PRKAG2: variants seen among roughly 807,000 people sequenced by gnomAD.
The protein encoded by PRKAG2 is protein kinase AMP-activated non-catalytic subunit gamma 2, also known as 5'-AMP-activated protein kinase subunit gamma-2.
PRKAG2 carries 26 observed loss-of-function variants against 69.6 expected under a neutral mutation model. That is an observed-to-expected ratio of 0.37 (90% CI 0.27 to 0.52). PRKAG2 has a LOEUF of 0.52. Among genes scored for constraint, PRKAG2 ranks in the 20% least tolerant of loss-of-function variants. The probability of loss-of-function intolerance (pLI) is 0.90; values close to 1 mark genes in which losing one functional copy is unlikely to be tolerated. For synonymous variants in PRKAG2, 293 were observed against 285.0 expected (o/e 1.03, Z -0.28); for missense variants, 557 against 740.0 (o/e 0.75, Z 2.87).
chr7:151,767,841 C>A (rs2075819966), intron 3 of PRKAG2, among the ~76,000 whole-genome samples: 1 of 74,620 alleles, frequency 1.3e-5, no homozygotes, highest in Non-Finnish European at 2.6e-5. Context: ...TGGCCAAAAG[C>A]TCTGGTTCCT....
intron 1 of PRKAG2, among the ~76,000 whole-genome samples, chr7:151,798,602 G>A (rs2077677979): frequency 6.6e-6 from 1 of 152,186 alleles, no homozygotes; most frequent in African/African-American, 2.4e-5. Flanking sequence ...GGCATGAGCC[G>A]CTGTACCCAG....
chr7:151,814,488 T>C lies in PRKAG2; in HGVS notation c.115-27947A>G. 8.1e-7 allele frequency: 1 copy of C among 1,230,806 alleles called. No homozygotes were observed. The highest frequency in any genetic ancestry group is 1.0e-6 in the Non-Finnish European group (1 of 987,882). The allele number at this position is 1,230,806 out of a possible 1,614,324, so 76.2% of individuals were successfully genotyped here. A position where few individuals can be genotyped will look rare whatever the true frequency, so the allele number is the denominator to read the frequency against. ...CAGTGCAGGCTTGTAAGCTGCTGGATGGCAGGATGCGAGTGACGGGGACGG... is the reference window on the plus strand; with the variant it reads ...CAGTGCAGGCTTGTAAGCTGCTGGACGGCAGGATGCGAGTGACGGGGACGG... On this transcript the variant is annotated intron_variant, in intron 1 of 15. Transcript: ENST00000287878. The surrounding 1 kb of genome is among the most constrained non-coding windows in gnomAD (Gnocchi z 4.8).
intron 4 of PRKAG2, among the ~76,000 whole-genome samples, chr7:151,661,748 T>C (rs1012455894): frequency 1.7e-4 from 26 of 152,140 alleles, no homozygotes; most frequent in African/African-American, 6.3e-4. Flanking sequence ...TGGGCGGTCA[T>C]TGATTAACAG....
chr7:151,800,533 C>T (rs1000037994), intron 1 of PRKAG2, among the ~76,000 whole-genome samples: 3 of 152,120 alleles, frequency 2.0e-5, no homozygotes, highest in African/African-American at 4.8e-5. Flanking sequence ...TCGAACACAT[C>T]CAGGTGGGCC....
chr7:151,574,773 C>A, intron 8 of PRKAG2, 118 bp downstream of exon 8: 1 of 1,451,866 alleles, frequency 6.9e-7, no homozygotes, highest in Non-Finnish European at 9.3e-7. Flanking sequence ...CATCAGCACA[C>A]CATACCAAAA....
chr7:151,633,446 G>A (rs1257900659), intron 4 of PRKAG2, among the ~76,000 whole-genome samples: 1 of 151,878 alleles, frequency 6.6e-6, no homozygotes, highest in East Asian at 1.9e-4. Context: ...AACGCATACA[G>A]ATTGGAAAGG....
At chr7:151,606,592 G>C (rs978673235) in intron 5 of PRKAG2, among the ~76,000 whole-genome samples, 1 of 152,162 alleles carries the variant, frequency 6.6e-6, no homozygotes, top group Non-Finnish European at 1.5e-5. Flanking sequence ...GGCTGAGCTG[G>C]GTGGATCACC....
In PRKAG2 at chr7:151,638,186, C is replaced by A. The variant is rs1036674937; in HGVS notation, c.685-6048G>T. On this transcript the variant is annotated intron_variant, in intron 4 of 15. Coordinates refer to ENST00000287878, the MANE Select transcript of PRKAG2 (RefSeq NM_016203.4). This position sits in a 1 kb window ranked among gnomAD's most constrained non-coding sequence, Gnocchi z 4.3. ...CTAACAGCCTGGCACAGTTCCACCA[C>A]AGGGAACATTTCCATTTATATCACA... is the stretch of plus-strand genomic sequence containing the variant. 6.6e-6 allele frequency among the ~76,000 whole-genome samples: 1 copy of A among 152,164 alleles called. No individual in the cohort carries two copies. The highest frequency in any genetic ancestry group is 6.5e-5 in the Admixed American group (1 of 15,280).
chr7:151,562,990 A>G (rs868182378), intron 14 of PRKAG2, among the ~76,000 whole-genome samples: 2 of 152,060 alleles, frequency 1.3e-5, no homozygotes, highest in Middle Eastern at 3.4e-3. Flanking sequence ...TATTAAACAG[A>G]TATCTTTTGA....
At chr7:151,776,579 G>A (rs1253000997) in intron 3 of PRKAG2, among the ~76,000 whole-genome samples, 1 of 152,198 alleles carries the variant, frequency 6.6e-6, no homozygotes, top group Admixed American at 6.5e-5. Context: ...CAGGCCCCGG[G>A]TACACACGGG....
intron 1 of PRKAG2, among the ~76,000 whole-genome samples, chr7:151,861,912 A>G (rs9640300): frequency 0.48 from 72,824 of 151,050 alleles, 18,194 homozygotes; most frequent in East Asian, 0.57. Flanking sequence ...CCACTCTTCC[A>G]TTGGCAAGAT....
rs541446228 is a variant in PRKAG2, at chr7:151,610,454, G to A, written c.755-15000C>T. ...AGCACTTTGGGAGACCGAGGCAGGCGGATCACGAGGTCAAAAGATTGAGAC... is the reference window on the plus strand; with the variant it reads ...AGCACTTTGGGAGACCGAGGCAGGCAGATCACGAGGTCAAAAGATTGAGAC... On this transcript the variant is annotated intron_variant, in intron 5 of 15. Coordinates refer to ENST00000287878, the MANE Select transcript of PRKAG2 (RefSeq NM_016203.4). Among the ~76,000 whole-genome samples, 9 of 152,018 alleles carry A rather than the reference G, an allele frequency of 5.9e-5. No individual in the cohort carries two copies. In the South Asian group the frequency reaches 1.2e-3, roughly 21 times the overall value.
At chr7:151,557,353 G>C (rs1803965078) in intron 15 of PRKAG2, 121 bp from the exon 16 acceptor site, 1 of 1,605,602 alleles carries the variant, frequency 6.2e-7, no homozygotes, top group African/African-American at 1.3e-5. Context: ...CTTCGGAGGA[G>C]GGCGATGTGG....
rs1803887807 is a variant in PRKAG2, at chr7:151,556,930, T to C, written c.*271A>G. 2.0e-6 allele frequency: 1 copy of C among 491,478 alleles called. No individual in the cohort carries two copies. The highest frequency in any genetic ancestry group is 2.0e-5 in the African/African-American group (1 of 51,216). 30.4% of individuals were successfully genotyped at this position (491,478 alleles called of 1,614,324 possible). On this transcript the variant is annotated 3_prime_UTR_variant, in exon 16 of 16. Transcript: ENST00000287878. ...GTGAATTCTTTGAAATGAAAAATAATGAAAACTTCAGGACACAGTGCACTT... is the reference window on the plus strand; with the variant it reads ...GTGAATTCTTTGAAATGAAAAATAACGAAAACTTCAGGACACAGTGCACTT...
At chr7:151,720,250 G>A (rs1163193052) in intron 3 of PRKAG2, among the ~76,000 whole-genome samples, 1 of 152,160 alleles carries the variant, frequency 6.6e-6, no homozygotes, top group African/African-American at 2.4e-5. Flanking sequence ...GACACAGAGA[G>A]AAAGAACACA....
chr7:151,868,566 A>G (rs1311378135), intron 1 of PRKAG2, among the ~76,000 whole-genome samples: 6 of 152,384 alleles, frequency 3.9e-5, no homozygotes, highest in East Asian at 3.9e-4. Context: ...AACGACGTTG[A>G]CAGAACTGTG....
intron 4 of PRKAG2, among the ~76,000 whole-genome samples, chr7:151,648,114 G>A (rs545271374): frequency 3.9e-5 from 6 of 152,226 alleles, no homozygotes; most frequent in South Asian, 2.1e-4. Flanking sequence ...GTCATTTGGC[G>A]GAGAGGAGGG....
intron 5 of PRKAG2, among the ~76,000 whole-genome samples, chr7:151,600,381 G>T (rs1034696314): frequency 2.6e-5 from 4 of 152,348 alleles, no homozygotes; most frequent in African/African-American, 9.6e-5. Context: ...AAGCTCTTTG[G>T]CTGTGGAAAG....
At chr7:151,852,844 G>A (rs546282264) in intron 1 of PRKAG2, among the ~76,000 whole-genome samples, 9 of 152,268 alleles carry the variant, frequency 5.9e-5, no homozygotes, top group African/African-American at 2.2e-4. Flanking sequence ...CTGGGGCCCC[G>A]CCTCTCTCCT....
Sources: allele counts gnomAD v4.1 joint callset (sites outside exome capture counted in the v4.1 genomes callset), GRCh38; gene constraint gnomAD v4.1.1; non-coding constraint Gnocchi (gnomAD v3.1); transcripts MANE v1.5; gene names NCBI Gene and HGNC (gene_info 2026-07-23, HGNC 2026-07-21).